The following AGBL1 variants were observed in gnomAD, a reference collection of about 807,000 sequenced individuals.
AGBL1 encodes cytosolic carboxypeptidase 4.
In AGBL1, 130 loss-of-function variants were observed where a neutral mutation model predicts 118.9. That is an observed-to-expected ratio of 1.09 (90% CI 0.95 to 1.26). The LOEUF is 1.26. Ranked by LOEUF, AGBL1 falls within the 50% of genes most tolerant of loss-of-function variation. AGBL1 has a pLI of 0.00. For synonymous variants in AGBL1, 555 were observed against 478.9 expected (o/e 1.16, Z -2.08); for missense variants, 1,584 against 1,298.1 (o/e 1.22, Z -3.38).
At chr15:86,596,436 A>G (rs542226823) in intron 21 of AGBL1, among the ~76,000 whole-genome samples, 1 of 152,280 alleles carries the variant, frequency 6.6e-6, no homozygotes, top group Non-Finnish European at 1.5e-5. Context: ...CTTTTCTCCT[A>G]TTAATCTTCT....
chr15:86,739,298 C>A (rs1476124220), intron 22 of AGBL1, among the ~76,000 whole-genome samples: 6 of 151,914 alleles, frequency 3.9e-5, no homozygotes, highest in Admixed American at 3.9e-4. Flanking sequence ...ACAAAATTAG[C>A]CGGGCTTGGT....
At chr15:86,124,842 G>C (rs1450415660) in intron 1 of AGBL1, among the ~76,000 whole-genome samples, 1 of 152,180 alleles carries the variant, frequency 6.6e-6, no homozygotes. Flanking sequence ...TATGTATACA[G>C]TCGCTCGCAA....
intron 22 of AGBL1, among the ~76,000 whole-genome samples, chr15:86,748,785 GT>G (rs2077799788): frequency 6.6e-6 from 1 of 151,674 alleles, no homozygotes; most frequent in South Asian, 2.1e-4. Context: ...CCCATATCTT[GT>G]TTTTGTCAGG....
intron 23 of AGBL1, among the ~76,000 whole-genome samples, chr15:86,928,621 A>T (rs2080572560): frequency 6.6e-6 from 1 of 152,172 alleles, no homozygotes; most frequent in African/African-American, 2.4e-5. Context: ...ACTCATATCT[A>T]TCTTTTTCTC....
chr15:86,628,563 G>A (rs951309072), intron 21 of AGBL1, among the ~76,000 whole-genome samples: 2 of 152,122 alleles, frequency 1.3e-5, no homozygotes, highest in Admixed American at 6.6e-5. Flanking sequence ...TTGGGAGGCC[G>A]AGGTGGGTGG....
chr15:86,220,040 T>G (rs1250933375), intron 5 of AGBL1, among the ~76,000 whole-genome samples: 1 of 147,336 alleles, frequency 6.8e-6, no homozygotes, highest in East Asian at 2.1e-4. Flanking sequence ...CAACCTCTAC[T>G]GCCTGGGTTC....
At position 86,401,930 on chromosome 15, in the gene AGBL1, G is replaced by A. The variant is rs28828381; in HGVS notation, c.2555+4384G>A. On this transcript the variant is annotated intron_variant, in intron 18 of 22. Coordinates refer to ENST00000614907, the MANE Select transcript of AGBL1 (RefSeq NM_001386094.1). ...TGCTTAGTATTGCTTTGGTTATGTG[G>A]CCTCTTTTTTTGGTTTCATATGAGT... 5.0e-3 allele frequency among the ~76,000 whole-genome samples: 756 copies of A among 152,072 alleles called. 9 individuals are homozygous for A. The highest frequency in any genetic ancestry group is 0.018 in the African/African-American group (729 of 41,490).
In AGBL1 at chr15:86,205,672, T is replaced by C. The variant is rs191283008; in HGVS notation, c.489-19242T>C. Among the ~76,000 whole-genome samples, 105 of 152,330 alleles carry C rather than the reference T, an allele frequency of 6.9e-4. 1 individual carries two copies. Among genetic ancestry groups the C allele is most frequent in the African/African-American group, 2.4e-3 (99 of 41,580 alleles). ...GTAATAGGTATGTATTGGTATTTCA[T>C]TGTGGTTCTGATTTGCATTTCCTTG... On this transcript the variant is annotated intron_variant, in intron 5 of 22. Coordinates refer to ENST00000614907, the MANE Select transcript of AGBL1 (RefSeq NM_001386094.1).
chr15:86,451,428 A>C (rs1056155441), intron 18 of AGBL1, among the ~76,000 whole-genome samples: 5 of 152,238 alleles, frequency 3.3e-5, no homozygotes, highest in African/African-American at 1.2e-4. Flanking sequence ...AAATTGTGTT[A>C]TAATTCTTCT....
At chr15:86,218,209 G>A (rs764103545) in intron 5 of AGBL1, among the ~76,000 whole-genome samples, 2 of 152,130 alleles carry the variant, frequency 1.3e-5, no homozygotes, top group Non-Finnish European at 2.9e-5. Flanking sequence ...AAAAGGAATG[G>A]ACAACTTAAG....
At chr15:86,319,242 G>T (rs2080066605) in intron 17 of AGBL1, among the ~76,000 whole-genome samples, 1 of 152,064 alleles carries the variant, frequency 6.6e-6, no homozygotes, top group South Asian at 2.1e-4. Context: ...CTTTACTAGG[G>T]AATACTGCAC....
At chr15:86,089,245 A>G (rs1895866810) in intron 1 of AGBL1, among the ~76,000 whole-genome samples, 1 of 152,158 alleles carries the variant, frequency 6.6e-6, no homozygotes, top group African/African-American at 2.4e-5. Flanking sequence ...TCAGCATGTT[A>G]TAACTGTTCT....
intron 18 of AGBL1, among the ~76,000 whole-genome samples, chr15:86,489,773 G>T (rs1031315604): frequency 6.6e-5 from 10 of 152,112 alleles, no homozygotes; most frequent in African/African-American, 9.6e-5. Flanking sequence ...GAAAAAGTTT[G>T]CTGACCTCTG....
chr15:86,112,704 C>T (rs777280954), intron 1 of AGBL1, among the ~76,000 whole-genome samples: 23 of 152,332 alleles, frequency 1.5e-4, no homozygotes, highest in Non-Finnish European at 2.9e-4. Flanking sequence ...AATTTACACT[C>T]TCTTCAGCAG....
At chr15:86,898,200 T>G (rs558539492) in intron 22 of AGBL1, among the ~76,000 whole-genome samples, 1 of 152,298 alleles carries the variant, frequency 6.6e-6, no homozygotes, top group African/African-American at 2.4e-5. Context: ...AATTTAGTAT[T>G]TTATTCTTCA....
intron 20 of AGBL1, among the ~76,000 whole-genome samples, chr15:86,548,362 T>C (rs1274641391): frequency 6.6e-6 from 1 of 152,180 alleles, no homozygotes; most frequent in Non-Finnish European, 1.5e-5. Flanking sequence ...GTTTTATTAA[T>C]CAACTTTAAT....
At chr15:86,442,913 G>A (rs996431214) in intron 18 of AGBL1, among the ~76,000 whole-genome samples, 1 of 152,180 alleles carries the variant, frequency 6.6e-6, no homozygotes, top group African/African-American at 2.4e-5. Flanking sequence ...TGTGTAGAAG[G>A]GTTTCTCCTC....
chr15:86,275,883 G>A lies in AGBL1; in HGVS notation c.2076-3756G>A, dbSNP rs761231927. Among the ~76,000 whole-genome samples the A allele has an allele frequency of 2.0e-4, 30 of 152,258 alleles. 1 individual carries two copies. The Middle Eastern group carries it at 0.027, about 138-fold the overall frequency. Reference sequence around the variant, plus strand: ...CAAACTTCCACCACTCATTAATGGCGTGACCTTGGGCAAATTATACCAACT... The same window carrying A: ...CAAACTTCCACCACTCATTAATGGCATGACCTTGGGCAAATTATACCAACT... On this transcript the variant is annotated intron_variant, in intron 15 of 22. Transcript: ENST00000614907.
intron 18 of AGBL1, among the ~76,000 whole-genome samples, chr15:86,419,583 C>G (rs1317451369): frequency 1.3e-5 from 2 of 151,268 alleles, no homozygotes; most frequent in Admixed American, 1.3e-4. Flanking sequence ...TTTTTCATAC[C>G]AAAGTGGTGC....
Sources: gnomAD v4.1 joint callset for allele counts (sites outside exome capture counted in the v4.1 genomes callset) on GRCh38, gnomAD v4.1.1 for gene constraint, MANE v1.5 for transcripts, NCBI Gene and HGNC (gene_info 2026-07-23, HGNC 2026-07-21) for gene names.